Variants in HS6ST3 observed in about 807,000 individuals in gnomAD.
HS6ST3 encodes heparan sulfate 6-O-sulfotransferase 3.
HS6ST3 carries 12 observed loss-of-function variants against 36.7 expected under a neutral mutation model. That is an observed-to-expected ratio of 0.33 (90% CI 0.21 to 0.53). The LOEUF (loss-of-function observed/expected upper bound fraction) is 0.53. Ranked by LOEUF, HS6ST3 falls within the 20% of genes least tolerant of loss-of-function variation. The probability of loss-of-function intolerance (pLI) is 0.95; values close to 1 mark genes in which losing one functional copy is unlikely to be tolerated. For missense variants in HS6ST3, 584 were observed against 640.9 expected, an observed-to-expected ratio of 0.91 and a Z score of 0.96; for synonymous variants, 240 against 257.5, an observed-to-expected ratio of 0.93 and a Z score of 0.65.
intron 1 of HS6ST3, among the ~76,000 whole-genome samples, chr13:96,100,659 G>A (rs2053813870): frequency 6.6e-6 from 1 of 152,158 alleles, no homozygotes; most frequent in East Asian, 1.9e-4. Flanking sequence ...GAAAGGAGTG[G>A]GAGTGCTTTC....
intron 1 of HS6ST3, among the ~76,000 whole-genome samples, chr13:96,698,125 A>G (rs142682664): frequency 0.052 from 7,964 of 152,228 alleles, 250 homozygotes; most frequent in Middle Eastern, 0.082. Context: ...TACATGTGCC[A>G]TGTTGGTGTG....
intron 1 of HS6ST3, among the ~76,000 whole-genome samples, chr13:96,742,052 TGAGA>T (rs1419456168): frequency 6.6e-6 from 1 of 152,110 alleles, no homozygotes; most frequent in Admixed American, 6.6e-5. Flanking sequence ...AACATCCCGT[TGAGA>T]GAGAGTGTGT....
At chr13:96,162,019 GAAGAACCTACTTA>G (rs1013894709) in intron 1 of HS6ST3, among the ~76,000 whole-genome samples, 1 of 152,090 alleles carries the variant, frequency 6.6e-6, no homozygotes, top group African/African-American at 2.4e-5. Context: ...GGACATTTAT[GAAGAACCTACTTA>G]AAGATCTTGG....
At chr13:96,712,897 G>A (rs1378170872) in intron 1 of HS6ST3, among the ~76,000 whole-genome samples, 1 of 152,174 alleles carries the variant, frequency 6.6e-6, no homozygotes, top group Non-Finnish European at 1.5e-5. Context: ...ACCAAGGCCT[G>A]TGCAAACTGA....
chr13:96,489,289 T>G (rs1014380337), intron 1 of HS6ST3, among the ~76,000 whole-genome samples: 2 of 152,024 alleles, frequency 1.3e-5, no homozygotes, highest in African/African-American at 4.8e-5. Flanking sequence ...TAAATGGCTC[T>G]TCATGTTAAT....
intron 1 of HS6ST3, among the ~76,000 whole-genome samples, chr13:96,707,487 A>G (rs930247046): frequency 1.3e-5 from 2 of 152,218 alleles, no homozygotes; most frequent in African/African-American, 2.4e-5. Flanking sequence ...CTAGAAATGT[A>G]TCAGTATCTC....
At chr13:96,624,428 T>G (rs1402182066) in intron 1 of HS6ST3, among the ~76,000 whole-genome samples, 1 of 152,344 alleles carries the variant, frequency 6.6e-6, no homozygotes, top group African/African-American at 2.4e-5. Context: ...ATAGAGTTTA[T>G]TTTTCGAACT....
In HS6ST3 at chr13:96,191,956, G is replaced by T. The variant is rs560265152; in HGVS notation, c.707+100387G>T. Among the ~76,000 whole-genome samples the T allele has an allele frequency of 2.6e-5, 4 of 152,288 alleles. No individual in the cohort carries two copies. In the South Asian group the frequency reaches 8.3e-4, roughly 32 times the overall value. On this transcript the variant is annotated intron_variant, in intron 1 of 1. Coordinates refer to ENST00000376705, the MANE Select transcript of HS6ST3 (RefSeq NM_153456.4). ...AAAAAGAGCATTCTTTCGAGTCAGA[G>T]AGCATAGGCAGCTTAGTGCAGTGGA...
At chr13:96,519,571 G>A (rs1232947895) in intron 1 of HS6ST3, among the ~76,000 whole-genome samples, 2 of 152,196 alleles carry the variant, frequency 1.3e-5, no homozygotes, top group Non-Finnish European at 2.9e-5. Context: ...GTAAAGATGA[G>A]TAAATAATGG....
At chr13:96,178,496 G>A (rs1447182423) in intron 1 of HS6ST3, among the ~76,000 whole-genome samples, 1 of 151,868 alleles carries the variant, frequency 6.6e-6, no homozygotes, top group East Asian at 1.9e-4. Flanking sequence ...TATACACTGT[G>A]CTGGTAAATT....
chr13:96,589,484 T>C (rs1049219280), intron 1 of HS6ST3, among the ~76,000 whole-genome samples: 3 of 152,074 alleles, frequency 2.0e-5, no homozygotes, highest in Admixed American at 6.6e-5. Context: ...AAAAAACACA[T>C]TTTAGTTTTG....
At chr13:96,390,732 G>A (rs2055391195) in intron 1 of HS6ST3, among the ~76,000 whole-genome samples, 1 of 152,096 alleles carries the variant, frequency 6.6e-6, no homozygotes, top group Non-Finnish European at 1.5e-5. Context: ...CTGCCAACAA[G>A]TGCCCCCTTC....
In HS6ST3 at chr13:96,196,484, G is replaced by C. The variant is rs139003964; in HGVS notation, c.707+104915G>C. Among the ~76,000 whole-genome samples the C allele has an allele frequency of 5.4e-3, 827 of 152,252 alleles. 2 individuals are homozygous for C. The highest frequency in any genetic ancestry group is 0.013 in the Admixed American group (196 of 15,282). On this transcript the variant is annotated intron_variant, in intron 1 of 1. Transcript: ENST00000376705. ...GAAATCCCCACAACAGCCCTATACC[G>C]TGGGTATTGAGTCTTCTTTTGGACA...
chr13:96,432,039 CA>C (rs1278775384), intron 1 of HS6ST3, among the ~76,000 whole-genome samples: 2 of 152,150 alleles, frequency 1.3e-5, no homozygotes, highest in Non-Finnish European at 1.5e-5. Flanking sequence ...CAAATCTCTC[CA>C]ACCAGAAGTG....
intron 1 of HS6ST3, among the ~76,000 whole-genome samples, chr13:96,632,775 T>C (rs1191177474): frequency 6.6e-6 from 1 of 152,216 alleles, no homozygotes; most frequent in African/African-American, 2.4e-5. Flanking sequence ...TTCTTTTCGT[T>C]GTTAGCATCA....
chr13:96,273,984 C>T (rs1265371680), intron 1 of HS6ST3, among the ~76,000 whole-genome samples: 1 of 135,434 alleles, frequency 7.4e-6, no homozygotes, highest in Non-Finnish European at 1.6e-5. Context: ...TCCCCTCCTC[C>T]TCCCCCCTCC....
chr13:96,216,992 C>T (rs2054429599), intron 1 of HS6ST3, among the ~76,000 whole-genome samples: 1 of 152,132 alleles, frequency 6.6e-6, no homozygotes, highest in Non-Finnish European at 1.5e-5. Context: ...GTCACTGTGA[C>T]CACACCCTGT....
chr13:96,121,019 A>G (rs1249303815), intron 1 of HS6ST3, among the ~76,000 whole-genome samples: 1 of 152,242 alleles, frequency 6.6e-6, no homozygotes, highest in African/African-American at 2.4e-5. Flanking sequence ...GTGCCTAATT[A>G]AACTTGGGCA....
At chr13:96,444,262 G>T (rs374004831) in intron 1 of HS6ST3, among the ~76,000 whole-genome samples, 2 of 152,158 alleles carry the variant, frequency 1.3e-5, no homozygotes, top group Non-Finnish European at 2.9e-5. Context: ...ATAAAGGGAA[G>T]CACCATACAG....
Sources: gnomAD v4.1 joint callset for allele counts (sites outside exome capture counted in the v4.1 genomes callset) on GRCh38, gnomAD v4.1.1 for gene constraint, MANE v1.5 for transcripts, NCBI Gene and HGNC (gene_info 2026-07-23, HGNC 2026-07-21) for gene names.